TSPAN19: variants seen among roughly 807,000 people sequenced by gnomAD.
The protein encoded by TSPAN19 is tetraspanin-19.
Under a neutral mutation model 35.1 loss-of-function variants are expected in TSPAN19, and 44 were observed. The observed-to-expected ratio is 1.25, with a 90% CI of 0.98 to 1.61. The LOEUF (loss-of-function observed/expected upper bound fraction) is 1.61, where lower values mean the gene tolerates loss of function less well. Among genes scored for constraint, TSPAN19 ranks in the 40% most tolerant of loss-of-function variants. TSPAN19 has a pLI of 0.00. For missense variants in TSPAN19, 290 were observed against 280.0 expected, an observed-to-expected ratio of 1.04 and a Z score of -0.26; for synonymous variants, 79 against 92.0, an observed-to-expected ratio of 0.86 and a Z score of 0.81.
chr12:85,017,496 T>A lies in TSPAN19; in HGVS notation c.554A>T (p.Lys185Ile). Residue 185 changes from lysine to isoleucine, a missense_variant, in exon 7 of 9, where the codon AAA becomes ATA. Lys to Ile is a moderately radical substitution (Grantham distance 102, BLOSUM62 -3). Transcript: ENST00000532498. ...ATTCAGTGGCTCATCACAAAACCATTTTCTTAAAGTTGACTTTGTGCAAGA... is the reference window on the plus strand; with the variant it reads ...ATTCAGTGGCTCATCACAAAACCATATTCTTAAAGTTGACTTTGTGCAAGA... ...PCSCTKSTLR[K>I]WFCDEPLNAT... The A allele has an allele frequency of 6.2e-7, 1 of 1,608,628 alleles. No homozygotes were observed. The highest frequency in any genetic ancestry group is 1.7e-5 in the Admixed American group (1 of 59,430).
At position 85,023,306 on chromosome 12, in the gene TSPAN19, A is replaced by G. The variant is rs373039970; in HGVS notation, c.339+20T>C. The G allele has an allele frequency of 2.6e-5, 40 of 1,556,046 alleles. No homozygotes were observed. Among genetic ancestry groups the G allele is most frequent in the East Asian group, 1.9e-4 (8 of 42,348 alleles). On this transcript the variant is annotated intron_variant, in intron 5 of 8. Coordinates refer to ENST00000532498, the MANE Select transcript of TSPAN19 (RefSeq NM_001100917.2). ...AACTTCAAATAACAGGATGTATTGA[A>G]AAGGATTTACTTTCCATACCTCCTC...
intron 3 of TSPAN19, among the ~76,000 whole-genome samples, chr12:85,028,823 G>C (rs1399872331): frequency 6.6e-6 from 1 of 152,150 alleles, no homozygotes; most frequent in African/African-American, 2.4e-5. Flanking sequence ...CTCTATTCCA[G>C]AACTGGTTGT....
rs768271502 is a variant in TSPAN19, at chr12:85,023,328, C to T, written c.337G>A (p.Glu113Lys). The T allele has an allele frequency of 6.3e-7, 1 of 1,577,700 alleles. No homozygotes were observed. Residue 113 changes from glutamate to lysine, a missense_variant and splice_region_variant, in exon 5 of 9, where the codon GAG (glutamate) becomes AAG (lysine). By Grantham distance (56) the Glu-to-Lys change is moderately conservative. Transcript: ENST00000532498. Reference sequence around the variant, plus strand: ...TGAAAAGGATTTACTTTCCATACCTCCTCTTTCTTTGTGATGATGAATGCT... The same window carrying T: ...TGAAAAGGATTTACTTTCCATACCTTCTCTTTCTTTGTGATGATGAATGCT... ...LSAFIITKKE[E>K]VQQLWHDKID...
intron 6 of TSPAN19, among the ~76,000 whole-genome samples, chr12:85,018,541 G>A (rs1173916689): frequency 6.6e-6 from 1 of 151,878 alleles, no homozygotes; most frequent in Admixed American, 6.6e-5. Flanking sequence ...TCTGCTGTAA[G>A]TTGTAATGCA....
chr12:85,033,368 G>A (rs1189037680), intron 1 of TSPAN19, among the ~76,000 whole-genome samples: 1 of 151,966 alleles, frequency 6.6e-6, no homozygotes, highest in East Asian at 1.9e-4. Context: ...TTTCCTGAAG[G>A]TAATAGGGAG....
intron 8 of TSPAN19, 53 bp downstream of exon 8, chr12:85,015,835 C>T (rs1192595949): frequency 7.5e-7 from 1 of 1,328,712 alleles, no homozygotes; most frequent in Non-Finnish European, 1.0e-6. Context: ...GCAGTCTATT[C>T]TGTATAGCTT....
chr12:85,014,413 T>C lies in TSPAN19; in HGVS notation c.*74A>G. 2.7e-6 allele frequency: 3 copies of C among 1,103,044 alleles called. No homozygotes were observed. The highest frequency in any genetic ancestry group is 3.9e-6 in the Non-Finnish European group (3 of 764,326). 68.3% of individuals were successfully genotyped at this position (1,103,044 alleles called of 1,614,324 possible). On this transcript the variant is annotated 3_prime_UTR_variant, in exon 9 of 9. Transcript: ENST00000532498. ...TGTTATTTAATACAATTCAAAACGT[T>C]TTTGGAATAAAATAATATAATGTGA... is the stretch of plus-strand genomic sequence containing the variant.
At chr12:85,034,696 C>T (rs1877847423) in intron 1 of TSPAN19, among the ~76,000 whole-genome samples, 2 of 152,164 alleles carry the variant, frequency 1.3e-5, no homozygotes, top group South Asian at 4.1e-4. Context: ...GTTAAATTTA[C>T]TTATAATCTA....
Position 85,024,434 on chromosome 12 carries a change from A to ATT in TSPAN19, c.265-1036_265-1035dup, listed in dbSNP as rs561532667. On this transcript the variant is annotated intron_variant, in intron 4 of 8. Coordinates refer to ENST00000532498, the MANE Select transcript of TSPAN19 (RefSeq NM_001100917.2). ...ATTTTGTCTGGGTCTGACAAAAGTGATTTCCTGCTGGTAACTGCAACTTTT... is the reference window on the plus strand; with the variant it reads ...ATTTTGTCTGGGTCTGACAAAAGTGATTTTTCCTGCTGGTAACTGCAACTTTT... Among the ~76,000 whole-genome samples the ATT allele has an allele frequency of 1.1e-4, 16 of 152,194 alleles. No individual in the cohort carries two copies. In the South Asian group the frequency reaches 3.3e-3, roughly 32 times the overall value.
chr12:85,022,365 AT>A (rs1877174076), intron 5 of TSPAN19, among the ~76,000 whole-genome samples: 1 of 152,114 alleles, frequency 6.6e-6, no homozygotes, highest in Non-Finnish European at 1.5e-5. Context: ...TACAGAAAAG[AT>A]TGTTTTTGAA....
chr12:85,017,133 T>G lies in TSPAN19; in HGVS notation c.594+323A>C, dbSNP rs964348130. The G allele has an allele frequency of 1.2e-5, 3 of 250,254 alleles. No homozygotes were observed. In the East Asian group the frequency reaches 4.0e-4, roughly 34 times the overall value. The allele number at this position is 250,254 out of a possible 1,614,324, so 15.5% of individuals were successfully genotyped here. On this transcript the variant is annotated intron_variant, in intron 7 of 8. Transcript: ENST00000532498. ...TGTTTTAGCTCCCTTTCCAATCTTA[T>G]GCACCAAGGCTTTGACAGAAGTGCC...
intron 8 of TSPAN19, 99 bp from the exon 9 acceptor site, chr12:85,014,654 G>A (rs1223110619): frequency 1.2e-6 from 1 of 822,864 alleles, no homozygotes; most frequent in African/African-American, 1.8e-5. Flanking sequence ...GTATTGTAAA[G>A]GGAAAAGGGA....
chr12:85,019,902 G>T (rs1470740620), intron 5 of TSPAN19, among the ~76,000 whole-genome samples, 166 bp from the exon 6 acceptor site: 3 of 151,712 alleles, frequency 2.0e-5, no homozygotes, highest in Non-Finnish European at 4.4e-5. Context: ...ACTTTCAGTG[G>T]ATATCAAATC....
Position 85,019,694 on chromosome 12 carries a change from C to G in TSPAN19, c.382G>C (p.Glu128Gln). ...TCAGGCTTATCTTTAGATCCATACT[C>G]AGAAATGACAAAATCAATTTTGTCA... is the stretch of plus-strand genomic sequence containing the variant. ...WHDKIDFVIS[E>Q]YGSKDKPEDI... Residue 128 changes from glutamate (E) to glutamine (Q), a missense_variant, in exon 6 of 9, where the codon GAG (glutamate) becomes CAG (glutamine). Physicochemically the swap from Glu to Gln is conservative, Grantham distance 29. Transcript: ENST00000532498. 2 of 1,608,488 alleles carry G rather than the reference C, an allele frequency of 1.2e-6. No individual in the cohort carries two copies. The highest frequency in any genetic ancestry group is 2.2e-5 in the South Asian group (2 of 90,514).
At chr12:85,021,840 C>T (rs934069395) in intron 5 of TSPAN19, among the ~76,000 whole-genome samples, 1 of 152,078 alleles carries the variant, frequency 6.6e-6, no homozygotes, top group African/African-American at 2.4e-5. Context: ...AATACTTTAA[C>T]AAGCATTTCT....
chr12:85,029,170 T>A (rs1163584647), intron 3 of TSPAN19, among the ~76,000 whole-genome samples: 1 of 152,164 alleles, frequency 6.6e-6, no homozygotes, highest in African/African-American at 2.4e-5. Flanking sequence ...CACTACCATA[T>A]CCTCAGCTCT....
chr12:85,023,882 C>A (rs981680001), intron 4 of TSPAN19, among the ~76,000 whole-genome samples: 15 of 151,864 alleles, frequency 9.9e-5, no homozygotes, highest in Non-Finnish European at 1.8e-4. Context: ...GTATCCAAAC[C>A]AAATAAAATA....
chr12:85,015,391 A>G (rs1225257929), intron 8 of TSPAN19: 1 of 152,110 alleles, frequency 6.6e-6, no homozygotes, highest in Non-Finnish European at 1.5e-5. Flanking sequence ...ACACACAGTA[A>G]ATGCTCCCCG....
rs1877584243 is a variant in TSPAN19 at position 85,029,575 on chromosome 12, A to G, written c.139+144T>C. 3.9e-6 allele frequency: 3 copies of G among 761,708 alleles called. No homozygotes were observed. The Admixed American group carries it at 1.0e-4, about 26-fold the overall frequency. The allele number at this position is 761,708 out of a possible 1,614,324, so 47.2% of individuals were successfully genotyped here. On this transcript the variant is annotated intron_variant, in intron 3 of 8. Transcript: ENST00000532498. ...ATTTTGTATCCTTTAAAAAATCTCT[A>G]CAACTGATGAAGACTTTCAGAAGGA...
Sources: allele counts gnomAD v4.1 joint callset (sites outside exome capture counted in the v4.1 genomes callset), GRCh38; gene constraint gnomAD v4.1.1; transcripts MANE v1.5; gene names NCBI Gene and HGNC (gene_info 2026-07-23, HGNC 2026-07-21).